CSMD3: variants seen among roughly 807,000 people sequenced by gnomAD.
CSMD3 encodes CUB and sushi domain-containing protein 3.
Under a neutral mutation model 435.2 loss-of-function variants are expected in CSMD3, and 177 were observed. The ratio of observed to expected loss-of-function variants is 0.41; its 90% CI spans 0.36 to 0.46. The LOEUF is 0.46. CSMD3 is among the 20% of genes least tolerant of loss of function. CSMD3 has a pLI of 0.34. For synonymous variants in CSMD3, 1,656 were observed against 1,520.5 expected, an observed-to-expected ratio of 1.09 and a Z score of -2.07; for missense variants, 4,265 against 4,504.6, an observed-to-expected ratio of 0.95 and a Z score of 1.52.
chr8:112,318,705 G>A lies in CSMD3; in HGVS notation c.7360+132C>T. The A allele has an allele frequency of 4.5e-6, 3 of 660,100 alleles. No individual in the cohort carries two copies. In the South Asian group the frequency reaches 5.3e-5, roughly 12 times the overall value. 40.9% of individuals were successfully genotyped at this position (660,100 alleles called of 1,614,324 possible). On this transcript the variant is annotated intron_variant, in intron 47 of 70. Transcript: ENST00000297405. ...TTTCTAAATGAAATAGCACATATGA[G>A]TTATAAAATGTATAGCATTGTTTCC...
Position 112,247,099 on chromosome 8 carries a change from T to C in CSMD3, c.10143A>G (p.Lys3381=), listed in dbSNP as rs142018478. The change falls in exon 64 of 71, where the codon AAA becomes AAG. Residue 3381 remains lysine, a synonymous_variant. Transcript: ENST00000297405. ...VGSVVQFHCK[K]GHLLQGSTTR... Reference sequence around the variant, plus strand: ...TTGTAGACCCTTGGAGAAGGTGTCCTTTTTTGCAATGGAACTGTACAACAC... The same window carrying C: ...TTGTAGACCCTTGGAGAAGGTGTCCCTTTTTGCAATGGAACTGTACAACAC... 1.6e-5 allele frequency: 26 copies of C among 1,613,498 alleles called. No homozygotes were observed. In the African/African-American group the frequency reaches 3.3e-4, roughly 21 times the overall value.
chr8:112,414,435 T>G (rs1426760131), intron 32 of CSMD3, among the ~76,000 whole-genome samples: 2 of 152,204 alleles, frequency 1.3e-5, no homozygotes, highest in Non-Finnish European at 2.9e-5. Context: ...GCTTCTCCCG[T>G]TGCCTTCTGC....
At chr8:113,412,318 T>C (rs1429289744) in intron 1 of CSMD3, among the ~76,000 whole-genome samples, 2 of 152,170 alleles carry the variant, frequency 1.3e-5, no homozygotes, top group Admixed American at 6.6e-5. Context: ...GTTGTGTGTC[T>C]TCAATTTTGT....
intron 3 of CSMD3, among the ~76,000 whole-genome samples, chr8:113,174,135 AG>A (rs1335451200): frequency 5.3e-5 from 8 of 152,164 alleles, no homozygotes; most frequent in African/African-American, 1.9e-4. Flanking sequence ...TATGCTAGAA[AG>A]TTTTAGATAT....
rs916331242 is a variant in CSMD3 at position 112,977,842 on chromosome 8, G to A, written c.1031-1694C>T. On this transcript the variant is annotated intron_variant, in intron 6 of 70. Transcript: ENST00000297405. ...ATCAGAATCTACTAAGTTCACATTG[G>A]TTATATAAATCAGGTTGCAATATTT... is the stretch of plus-strand genomic sequence containing the variant. Among the ~76,000 whole-genome samples, 4 of 152,024 alleles carry A rather than the reference G, an allele frequency of 2.6e-5. No individual in the cohort carries two copies. In the South Asian group the frequency reaches 6.2e-4, roughly 24 times the overall value.
At chr8:113,140,871 T>A (rs1052559117) in intron 4 of CSMD3, among the ~76,000 whole-genome samples, 2 of 150,762 alleles carry the variant, frequency 1.3e-5, no homozygotes, top group African/African-American at 4.8e-5. Flanking sequence ...AACCTCAAAG[T>A]AAGCAGAAGT....
At chr8:112,393,617 T>G (rs1278856602) in intron 35 of CSMD3, among the ~76,000 whole-genome samples, 1 of 152,210 alleles carries the variant, frequency 6.6e-6, no homozygotes, top group Non-Finnish European at 1.5e-5. Context: ...TCTTCCATGC[T>G]GCTACAGTGA....
intron 1 of CSMD3, among the ~76,000 whole-genome samples, chr8:113,357,641 C>T (rs899785796): frequency 5.3e-5 from 8 of 152,040 alleles, no homozygotes; most frequent in African/African-American, 1.9e-4. Flanking sequence ...TTGGCTTGTG[C>T]CCCCACCCAA....
At chr8:113,038,589 T>C (rs2087460921) in intron 5 of CSMD3, among the ~76,000 whole-genome samples, 1 of 152,184 alleles carries the variant, frequency 6.6e-6, no homozygotes, top group African/African-American at 2.4e-5. Flanking sequence ...TCTTCTTTTA[T>C]ACTCTCAGTG....
At chr8:113,020,434 A>G (rs2086647155) in intron 5 of CSMD3, among the ~76,000 whole-genome samples, 1 of 152,084 alleles carries the variant, frequency 6.6e-6, no homozygotes, top group Non-Finnish European at 1.5e-5. Context: ...ATTTCCAGCA[A>G]AGCAGTTTTT....
chr8:112,244,726 T>C (rs866140079), intron 64 of CSMD3, among the ~76,000 whole-genome samples, 153 bp from the exon 65 acceptor site: 3 of 152,150 alleles, frequency 2.0e-5, no homozygotes, highest in South Asian at 2.1e-4. Context: ...AATGTTTCAA[T>C]GCAAATATAC....
intron 13 of CSMD3, among the ~76,000 whole-genome samples, chr8:112,734,396 C>A (rs1276079098): frequency 6.6e-6 from 1 of 151,546 alleles, no homozygotes; most frequent in African/African-American, 2.4e-5. Context: ...AGTAAATTGG[C>A]AAAAAGTCAA....
At chr8:113,081,823 C>A (rs7817318) in intron 5 of CSMD3, among the ~76,000 whole-genome samples, 83,719 of 151,808 alleles carry the variant, frequency 0.55, 25,003 homozygotes, top group East Asian at 0.88. Context: ...TACCCCTATA[C>A]CTCTAGGAAA....
At chr8:113,221,671 C>T (rs565200087) in intron 3 of CSMD3, among the ~76,000 whole-genome samples, 1 of 151,312 alleles carries the variant, frequency 6.6e-6, no homozygotes, top group South Asian at 2.1e-4. Flanking sequence ...AAATACTCAC[C>T]TGAGGGCCTT....
At chr8:112,244,647 A>G (rs1043212762) in intron 64 of CSMD3, 74 bp from the exon 65 acceptor site, 5 of 1,053,660 alleles carry the variant, frequency 4.7e-6, no homozygotes, top group African/African-American at 1.6e-5. Context: ...GAGTCACAAT[A>G]TATTTCAGAT....
rs529283863 is a variant in CSMD3 at position 112,404,948 on chromosome 8, G to T, written c.5809+1576C>A. Among the ~76,000 whole-genome samples the T allele has an allele frequency of 4.0e-5, 6 of 151,130 alleles. No individual in the cohort carries two copies. In the South Asian group the frequency reaches 1.1e-3, roughly 27 times the overall value. ...ATCCCAGCATTCTGGGAGGCCGAGG[G>T]GGGTGGATTACTTGAGGCTAGGAGT... On this transcript the variant is annotated intron_variant, in intron 35 of 70. Coordinates refer to ENST00000297405, the MANE Select transcript of CSMD3 (RefSeq NM_198123.2).
At chr8:112,507,778 C>T (rs1019384046) in intron 28 of CSMD3, among the ~76,000 whole-genome samples, 8 of 152,076 alleles carry the variant, frequency 5.3e-5, no homozygotes, top group South Asian at 4.1e-4. Context: ...ATCATCACTA[C>T]GGTTTGGTAA....
chr8:112,307,606 T>C (rs1304076821), intron 50 of CSMD3, among the ~76,000 whole-genome samples: 1 of 152,102 alleles, frequency 6.6e-6, no homozygotes, highest in African/African-American at 2.4e-5. Context: ...TATATATCAC[T>C]CTCAGAGTAA....
rs760687788 is a variant in CSMD3 at position 112,682,484 on chromosome 8, C to A, written c.2635G>T (p.Asp879Tyr). 6.2e-7 allele frequency: 1 copy of A among 1,613,052 alleles called. No homozygotes were observed. Among genetic ancestry groups the A allele is most frequent in the East Asian group, 2.2e-5 (1 of 44,818 alleles). Reference sequence around the variant, plus strand: ...AGTCCACTCCACATTACTTTTCCATCCATAAGAATACATGTAATTGTTTCT... The same window carrying A: ...AGTCCACTCCACATTACTTTTCCATACATAAGAATACATGTAATTGTTTCT... The part of the protein sequence containing the change: ...GTETITCILM[D>Y]GKVMWSGLIP... The change falls in exon 16 of 71, where the codon GAT (aspartate) becomes TAT (tyrosine). Residue 879 changes from aspartate (D) to tyrosine (Y), a missense_variant. Coordinates refer to ENST00000297405, the MANE Select transcript of CSMD3 (RefSeq NM_198123.2).
Sources: allele counts gnomAD v4.1 joint callset (sites outside exome capture counted in the v4.1 genomes callset), GRCh38; gene constraint gnomAD v4.1.1; transcripts MANE v1.5; gene names NCBI Gene and HGNC (gene_info 2026-07-23, HGNC 2026-07-21).